Variants in CSF1R observed in about 807,000 individuals in gnomAD.
The protein encoded by CSF1R is macrophage colony-stimulating factor 1 receptor.
In CSF1R, 40 loss-of-function variants were observed where a neutral mutation model predicts 110.0. The observed-to-expected ratio is 0.36, with a 90% confidence interval of 0.28 to 0.47. CSF1R has a LOEUF of 0.47. Among genes scored for constraint, CSF1R ranks in the 20% least tolerant of loss-of-function variants. The pLI is 0.99. For missense variants in CSF1R, 1,052 were observed against 1,253.0 expected (o/e 0.84, Z 2.42); for synonymous variants, 523 against 503.4 (o/e 1.04, Z -0.52).
rs778825568 is a variant in CSF1R at position 150,061,615 on chromosome 5, C to G, written c.1754-20G>C. The stretch of plus-strand genomic sequence containing the variant: ...TCTTACCTGCCACGCACACAGGTCC[C>G]TTAAGTCCCTGGGCACCAAAGGGCC... On this transcript the variant is annotated intron_variant, in intron 11 of 20. Transcript: ENST00000675795. The G allele has an allele frequency of 2.5e-6, 4 of 1,614,122 alleles. No homozygotes were observed. Among genetic ancestry groups the G allele is most frequent in the Admixed American group, 1.7e-5 (1 of 60,020 alleles).
chr5:150,063,864 G>T (rs949571036), intron 10 of CSF1R, among the ~76,000 whole-genome samples: 1 of 152,194 alleles, frequency 6.6e-6, no homozygotes, highest in Non-Finnish European at 1.5e-5. Context: ...GACAAGCTTG[G>T]CTGTGCCTGC....
intron 12 of CSF1R, 132 bp downstream of exon 12, chr5:150,061,359 C>T (rs1010030937): frequency 1.3e-6 from 1 of 784,874 alleles, no homozygotes; most frequent in African/African-American, 1.7e-5. Flanking sequence ...AACCCAAGTC[C>T]TCACCCCTGA....
upstream of CSF1R, among the ~76,000 whole-genome samples, chr5:150,091,043 A>G (rs1336037450): frequency 6.6e-6 from 1 of 152,202 alleles, no homozygotes; most frequent in African/African-American, 2.4e-5. Context: ...AAAATACTCA[A>G]TATCATTAGT....
rs192929292 is a variant in CSF1R, at chr5:150,054,491, C to A, written c.2655-61G>T. On this transcript the variant is annotated intron_variant, in intron 19 of 20. Coordinates refer to ENST00000675795, the MANE Select transcript of CSF1R (RefSeq NM_001288705.3). ...CCCTAGGGTCCAGGGGCCATTAACA[C>A]ACACCCCTAGAGAGACCTACCCAGC... The A allele has an allele frequency of 3.3e-4, 468 of 1,434,294 alleles. 4 individuals are homozygous for A. In the African/African-American group the frequency reaches 6.1e-3, roughly 19 times the overall value. 88.8% of individuals were successfully genotyped at this position (1,434,294 alleles called of 1,614,324 possible). A position where few individuals can be genotyped will look rare whatever the true frequency, so the allele number is the denominator to read the frequency against.
intron 1 of CSF1R, among the ~76,000 whole-genome samples, chr5:150,109,058 G>GCCCCCCCCCCCCCCCCCCC (rs60014782): frequency 1.7e-5 from 2 of 119,738 alleles, no homozygotes; most frequent in African/African-American, 3.2e-5. Context: ...GGAGAAGCCC[G>GCCCCCCCCCCCCCCCCCCC]CCCCCCCCCC....
intron 20 of CSF1R, 35 bp from the exon 21 acceptor site, chr5:150,054,259 G>T (rs371613794): frequency 4.3e-6 from 7 of 1,613,394 alleles, no homozygotes; most frequent in Non-Finnish European, 5.9e-6. Context: ...TGTCAGTCCA[G>T]ATCCATCAGG....
intron 1 of CSF1R, among the ~76,000 whole-genome samples, chr5:150,083,987 G>A (rs77584472): frequency 6.6e-6 from 1 of 152,098 alleles, no homozygotes; most frequent in South Asian, 2.1e-4. Context: ...GAATGTTTTT[G>A]TGACTCCATG....
upstream of CSF1R, among the ~76,000 whole-genome samples, chr5:150,087,046 T>G (rs55835809): frequency 6.6e-6 from 1 of 152,324 alleles, no homozygotes; most frequent in Non-Finnish European, 1.5e-5. Flanking sequence ...GGCTCGATCA[T>G]AGCTCACTGC....
At chr5:150,093,893 G>A (rs1005466267) in intron 1 of CSF1R, among the ~76,000 whole-genome samples, 2 of 152,156 alleles carry the variant, frequency 1.3e-5, no homozygotes, top group East Asian at 3.9e-4. Context: ...GCAAAACCCT[G>A]TCTTTACTAA....
chr5:150,102,167 G>A (rs757531599), intron 1 of CSF1R, among the ~76,000 whole-genome samples: 4 of 152,054 alleles, frequency 2.6e-5, no homozygotes, highest in Admixed American at 6.5e-5. Context: ...TGGGATCGCC[G>A]GGTCAAAGGG....
At chr5:150,086,718 G>A (rs1021065706), upstream of CSF1R, 4 of 391,650 alleles carry the variant, frequency 1.0e-5, no homozygotes, top group South Asian at 5.0e-5. Flanking sequence ...CCTGAGCTTG[G>A]GGGGAGCTAG....
At chr5:150,100,070 G>A (rs916152348) in intron 1 of CSF1R, among the ~76,000 whole-genome samples, 2 of 152,086 alleles carry the variant, frequency 1.3e-5, no homozygotes, top group Non-Finnish European at 2.9e-5. Context: ...CGTAGTATCT[G>A]GGCACTGTGG....
chr5:150,077,380 G>T lies in CSF1R; in HGVS notation c.785C>A (p.Thr262Asn), dbSNP rs1273955828. ...GAAATCTACTTGATCGAGGTTGAGG[G>T]TCAGGACTTTTTGGTAACGGTTATT... ...FHNNRYQKVL[T>N]LNLDQVDFQH... is the part of the protein sequence containing the mutation. The change falls in exon 5 of 21, where the codon ACC becomes AAC. Residue 262 changes from threonine (T) to asparagine (N), a missense_variant. Physicochemically the swap from Thr to Asn is moderately conservative, Grantham distance 65. Transcript: ENST00000675795. 4 of 1,614,190 alleles carry T rather than the reference G, an allele frequency of 2.5e-6. No individual in the cohort carries two copies. The highest frequency in any genetic ancestry group is 3.3e-5 in the Admixed American group (2 of 60,024).
chr5:150,080,460 G>A, intron 2 of CSF1R, 124 bp from the exon 3 acceptor site: 1 of 1,305,050 alleles, frequency 7.7e-7, no homozygotes, highest in Non-Finnish European at 1.0e-6. Flanking sequence ...ACCACGCCAG[G>A]ACAGTTCAGC....
At chr5:150,082,788 G>T (rs941563499) in intron 1 of CSF1R, among the ~76,000 whole-genome samples, 1 of 152,236 alleles carries the variant, frequency 6.6e-6, no homozygotes, top group African/African-American at 2.4e-5. Flanking sequence ...TCAGCTGAAG[G>T]TTGAGTGAGA....
In CSF1R at chr5:150,061,811, G is replaced by A; in HGVS notation, c.1665C>T (p.Ser555=). 1 of 1,614,212 alleles carries A rather than the reference G, an allele frequency of 6.2e-7. No individual in the cohort carries two copies. The highest frequency in any genetic ancestry group is 8.5e-7 in the Non-Finnish European group (1 of 1,180,038). The part of the protein sequence containing the change: ...KYQVRWKIIE[S]YEGNSYTFID... Reference sequence around the variant, plus strand: ...TGAAAGTATAACTGTTGCCCTCATAGCTCTCGATGATCTTCCAGCGGACCT... The same window carrying A: ...TGAAAGTATAACTGTTGCCCTCATAACTCTCGATGATCTTCCAGCGGACCT... Residue 555 remains serine, a synonymous_variant, in exon 11 of 21, where the codon AGC becomes AGT. Coordinates refer to ENST00000675795, the MANE Select transcript of CSF1R (RefSeq NM_001288705.3).
At position 150,053,485 on chromosome 5, in the gene CSF1R, A is replaced by T. The variant is rs913483883; in HGVS notation, c.*584T>A. 4.2e-6 allele frequency: 1 copy of T among 236,778 alleles called. No homozygotes were observed. The highest frequency in any genetic ancestry group is 5.4e-5 in the Admixed American group (1 of 18,610). 14.7% of individuals were successfully genotyped at this position (236,778 alleles called of 1,614,324 possible). On this transcript the variant is annotated 3_prime_UTR_variant, in exon 21 of 21. Transcript: ENST00000675795. ...CCAACTTTTAGCTGCCACTTGGCTCATTACAGCAGTACCAGTATGGGGGTG... is the reference window on the plus strand; with the variant it reads ...CCAACTTTTAGCTGCCACTTGGCTCTTTACAGCAGTACCAGTATGGGGGTG...
chr5:150,060,329 G>GA (rs1176966626), intron 13 of CSF1R, among the ~76,000 whole-genome samples: 3,386 of 106,202 alleles, frequency 0.032, 110 homozygotes, highest in African/African-American at 0.095. Context: ...TCCGTCTCAA[G>GA]AAAAAAAAAA....
At chr5:150,109,269 C>T (rs1423202797) in intron 1 of CSF1R, among the ~76,000 whole-genome samples, 1 of 152,202 alleles carries the variant, frequency 6.6e-6, no homozygotes, top group Non-Finnish European at 1.5e-5. Flanking sequence ...TCAACCTCCT[C>T]ATCTGGAGGC....
Sources: allele counts gnomAD v4.1 joint callset (sites outside exome capture counted in the v4.1 genomes callset), GRCh38; gene constraint gnomAD v4.1.1; transcripts MANE v1.5; gene names NCBI Gene and HGNC (gene_info 2026-07-23, HGNC 2026-07-21).